The following ATG7 variants were observed in gnomAD, a reference collection of about 807,000 sequenced individuals.
ATG7 encodes autophagy related 7, also known as ubiquitin-like modifier-activating enzyme ATG7.
ATG7 carries 70 observed loss-of-function variants against 82.4 expected under a neutral mutation model. The ratio of observed to expected loss-of-function variants is 0.85; its 90% CI spans 0.70 to 1.04. The LOEUF (loss-of-function observed/expected upper bound fraction) is 1.04, where lower values mean the gene tolerates loss of function less well. ATG7 is among the 50% of genes least tolerant of loss of function. The pLI is 0.00. For synonymous variants in ATG7, 287 were observed against 313.0 expected (o/e 0.92, Z 0.88); for missense variants, 792 against 864.3 (o/e 0.92, Z 1.05).
chr3:11,519,492 T>C lies in ATG7; in HGVS notation c.2080-35319T>C, dbSNP rs1448041089. On this transcript the variant is annotated intron_variant, in intron 20 of 20. Transcript: ENST00000693202. ...TAAATTGGGAACAAGCTGTCTTGCT[T>C]TCATCATATTATTTGCTGTCATCAT... is the stretch of plus-strand genomic sequence containing the variant. 3.3e-5 allele frequency among the ~76,000 whole-genome samples: 5 copies of C among 150,966 alleles called. No homozygotes were observed. The East Asian group carries it at 9.8e-4, about 29-fold the overall frequency.
intron 19 of ATG7, among the ~76,000 whole-genome samples, chr3:11,422,462 C>G (rs1430268843): frequency 6.6e-6 from 1 of 152,230 alleles, no homozygotes; most frequent in African/African-American, 2.4e-5. Context: ...CCTTACCTCT[C>G]TCAGCCTTCA....
At chr3:11,404,222 A>G (rs1327819417) in intron 19 of ATG7, among the ~76,000 whole-genome samples, 1 of 135,360 alleles carries the variant, frequency 7.4e-6, no homozygotes. Context: ...TGCAACCTCC[A>G]TCTCCCGGGT....
chr3:11,276,767 C>T (rs1361771729), intron 1 of ATG7, among the ~76,000 whole-genome samples: 1 of 152,148 alleles, frequency 6.6e-6, no homozygotes, highest in Non-Finnish European at 1.5e-5. Context: ...CTTTGTCCCT[C>T]ACATGCCAAT....
the ATG7 span, chr3:11,564,733 C>T: frequency 1.4e-6 from 2 of 1,471,212 alleles, no homozygotes; most frequent in Non-Finnish European, 1.8e-6. Context: ...GCTCGGGGCT[C>T]TCCATCCAGC....
chr3:11,558,063 T>A (rs1377275788), downstream of ATG7: 1 of 160,772 alleles, frequency 6.2e-6, no homozygotes, highest in African/African-American at 2.4e-5. Flanking sequence ...ACTTTAGTCC[T>A]CCTCCAATAG....
chr3:11,354,782 A>G (rs1427590768), intron 14 of ATG7, among the ~76,000 whole-genome samples: 2 of 152,176 alleles, frequency 1.3e-5, no homozygotes, highest in African/African-American at 2.4e-5. Flanking sequence ...ACCATAAACA[A>G]TTACACGCTG....
chr3:11,547,822 A>T (rs529620495), intron 20 of ATG7, among the ~76,000 whole-genome samples: 1 of 152,284 alleles, frequency 6.6e-6, no homozygotes, highest in East Asian at 1.9e-4. Flanking sequence ...CTTTTTCTGG[A>T]GAAATGTCTA....
At chr3:11,524,100 A>T (rs2092511847) in intron 20 of ATG7, among the ~76,000 whole-genome samples, 1 of 152,268 alleles carries the variant, frequency 6.6e-6, no homozygotes, top group South Asian at 2.1e-4. Context: ...TCAGTTCAAA[A>T]GCAGCTTGAA....
At chr3:11,341,433 C>T (rs1263806938) in intron 12 of ATG7, among the ~76,000 whole-genome samples, 2 of 151,640 alleles carry the variant, frequency 1.3e-5, no homozygotes, top group African/African-American at 2.4e-5. Flanking sequence ...GGGCGAATCT[C>T]AGTGCACTCT....
In ATG7 at chr3:11,510,574, C is replaced by T. The variant is rs967526025; in HGVS notation, c.2080-44237C>T. On this transcript the variant is annotated intron_variant, in intron 20 of 20. Coordinates refer to ENST00000693202, the MANE Select transcript of ATG7 (RefSeq NM_001349232.2). Reference sequence around the variant, plus strand: ...TCCCCTCGCTCTTTGTGCAACTCGCCGCCCACATCCAGCACAGTAAAAGCA... The same window carrying T: ...TCCCCTCGCTCTTTGTGCAACTCGCTGCCCACATCCAGCACAGTAAAAGCA... Among the ~76,000 whole-genome samples, 3 of 152,010 alleles carry T rather than the reference C, an allele frequency of 2.0e-5. No individual in the cohort carries two copies. The South Asian group carries it at 6.2e-4, about 32-fold the overall frequency.
intron 18 of ATG7, among the ~76,000 whole-genome samples, chr3:11,372,003 C>T (rs183523702): frequency 6.6e-5 from 10 of 151,516 alleles, no homozygotes; most frequent in Admixed American, 5.3e-4. Context: ...CGAGGCCAAA[C>T]GACCTATTCT....
At chr3:11,357,463 G>A (rs1167443488) in intron 14 of ATG7, among the ~76,000 whole-genome samples, 5 of 152,222 alleles carry the variant, frequency 3.3e-5, no homozygotes, top group East Asian at 1.9e-4. Context: ...CTCCTGCCCC[G>A]ATAAAAATAT....
chr3:11,357,930 G>A (rs1445816132), intron 14 of ATG7, among the ~76,000 whole-genome samples: 1 of 151,248 alleles, frequency 6.6e-6, no homozygotes, highest in African/African-American at 2.4e-5. Context: ...GATCCCTTGA[G>A]CCCAAGAGGT....
the ATG7 span, among the ~76,000 whole-genome samples, chr3:11,574,785 A>ATATGTGTGTG: frequency 4.7e-4 from 57 of 121,784 alleles, 1 homozygote; most frequent in East Asian, 9.1e-3. Context: ...TCAACTATAT[A>ATATGTGTGTG]TGTGTGTGTG....
chr3:11,337,124 G>T (rs1400133362), intron 11 of ATG7, among the ~76,000 whole-genome samples: 1 of 152,106 alleles, frequency 6.6e-6, no homozygotes, highest in Non-Finnish European at 1.5e-5. Flanking sequence ...GCTCCTGCTT[G>T]CCCACTATGG....
At chr3:11,287,067 A>T (rs13081468) in intron 3 of ATG7, among the ~76,000 whole-genome samples, 5,333 of 152,254 alleles carry the variant, frequency 0.035, 143 homozygotes, top group Non-Finnish European at 0.054. Flanking sequence ...TGCCTGGCTG[A>T]TAAAAGGTTT....
At chr3:11,356,556 T>C (rs941875291) in intron 14 of ATG7, among the ~76,000 whole-genome samples, 2 of 152,206 alleles carry the variant, frequency 1.3e-5, no homozygotes, top group African/African-American at 2.4e-5. Context: ...AAGTAGAGAT[T>C]TATTTAGGTT....
intron 3 of ATG7, among the ~76,000 whole-genome samples, chr3:11,290,094 G>T (rs1028539563): frequency 6.6e-6 from 1 of 152,150 alleles, no homozygotes; most frequent in Non-Finnish European, 1.5e-5. Context: ...ACAGGGTAGG[G>T]CTCCCCTCCA....
chr3:11,318,411 C>T (rs540984004), intron 9 of ATG7, among the ~76,000 whole-genome samples: 5 of 152,256 alleles, frequency 3.3e-5, no homozygotes, highest in South Asian at 2.1e-4. Flanking sequence ...AGAATTGATA[C>T]GGGTGATACT....
Sources: allele counts gnomAD v4.1 joint callset (sites outside exome capture counted in the v4.1 genomes callset), GRCh38; gene constraint gnomAD v4.1.1; transcripts MANE v1.5; gene names NCBI Gene and HGNC (gene_info 2026-07-23, HGNC 2026-07-21).